Variants in RBM28 observed in about 807,000 individuals in gnomAD.
The protein encoded by RBM28 is RNA binding motif protein 28.
RBM28 carries 78 observed loss-of-function variants against 98.3 expected under a neutral mutation model. The observed-to-expected ratio is 0.79, with a 90% CI of 0.66 to 0.96. The LOEUF (loss-of-function observed/expected upper bound fraction) is 0.96, where lower values mean the gene tolerates loss of function less well. RBM28 is among the 40% of genes least tolerant of loss of function. The pLI, the probability that RBM28 is intolerant of heterozygous loss-of-function variation, is 0.00. For missense variants in RBM28, 838 were observed against 913.0 expected (o/e 0.92, Z 1.06); for synonymous variants, 306 against 330.9 (o/e 0.92, Z 0.82).
At chr7:128,335,106 C>G (rs1256409725) in intron 8 of RBM28, among the ~76,000 whole-genome samples, 1 of 152,210 alleles carries the variant, frequency 6.6e-6, no homozygotes, top group Admixed American at 6.5e-5. Flanking sequence ...TCAGTCCAAA[C>G]TGACTAAACA....
intron 6 of RBM28, among the ~76,000 whole-genome samples, chr7:128,336,753 T>A (rs1465618169): frequency 6.6e-6 from 1 of 152,196 alleles, no homozygotes; most frequent in African/African-American, 2.4e-5. Flanking sequence ...ATAAGCAGGT[T>A]CTCTTACACT....
intron 1 of RBM28, among the ~76,000 whole-genome samples, chr7:128,341,786 T>C (rs2116397799): frequency 6.6e-6 from 1 of 152,370 alleles, no homozygotes; most frequent in African/African-American, 2.4e-5. Context: ...TGGAACCCAG[T>C]ACATACATAT....
intron 17 of RBM28, 93 bp downstream of exon 17, chr7:128,314,671 C>T: frequency 1.9e-6 from 3 of 1,589,926 alleles, no homozygotes; most frequent in Non-Finnish European, 1.7e-6. Flanking sequence ...CCTTTTCAAC[C>T]AAACAAATGC....
At chr7:128,343,120 T>A (rs1443521699) in intron 1 of RBM28, among the ~76,000 whole-genome samples, 2 of 152,168 alleles carry the variant, frequency 1.3e-5, no homozygotes, top group East Asian at 3.8e-4. Context: ...CACTGCTGCA[T>A]CCCCAGGACC....
intron 18 of RBM28, 106 bp downstream of exon 18, chr7:128,313,069 A>C: frequency 8.6e-7 from 1 of 1,158,472 alleles, no homozygotes; most frequent in Non-Finnish European, 1.3e-6. Context: ...CGTCCTACAC[A>C]GAAGTCTTTC....
Position 128,308,988 on chromosome 7 carries a change from A to AAAAAG in RBM28, c.*1804_*1808dup, listed in dbSNP as rs1424625067. On this transcript the variant is annotated 3_prime_UTR_variant, in exon 19 of 19. Transcript: ENST00000223073. ...CAAGACTGTCTCAAAAAAAAAAAAAAAAAAGAAATAACCATATCTCTAGCT... is the reference window on the plus strand; with the variant it reads ...CAAGACTGTCTCAAAAAAAAAAAAAAAAAAGAAAAGAAATAACCATATCTCTAGCT... The AAAAAG allele has an allele frequency of 1.3e-5, 2 of 152,080 alleles. No homozygotes were observed. The highest frequency in any genetic ancestry group is 2.9e-5 in the Non-Finnish European group (2 of 68,372). 9.4% of individuals were successfully genotyped at this position (152,080 alleles called of 1,614,324 possible). A position where few individuals can be genotyped will look rare whatever the true frequency, so the allele number is the denominator to read the frequency against.
Position 128,299,887 on chromosome 7 carries a change from C to T in RBM28, c.*10910G>A, listed in dbSNP as rs1795757857. On this transcript the variant is annotated 3_prime_UTR_variant, in exon 19 of 19. Transcript: ENST00000223073. ...GGAAATTTGGACATAGACCTATAGA[C>T]ACAGGGAGAAGATGGCCATGTGACA... 1 of 151,220 alleles carries T rather than the reference C, an allele frequency of 6.6e-6. No homozygotes were observed. The highest frequency in any genetic ancestry group is 6.6e-5 in the Admixed American group (1 of 15,156). 9.4% of individuals were successfully genotyped at this position (151,220 alleles called of 1,614,324 possible).
chr7:128,321,290 T>A lies in RBM28; in HGVS notation c.1539A>T (p.Gly513=). Residue 513 remains glycine, a synonymous_variant, in exon 14 of 19, where the codon GGA becomes GGT. Coordinates refer to ENST00000223073, the MANE Select transcript of RBM28 (RefSeq NM_018077.3). The part of the protein sequence containing the change: ...LRKLLLSATS[G]EKGVRIKECR... Reference sequence around the variant, plus strand: ...CCTCCTTGATGCGCACCCCTTTCTCTCCACTAGTAGCACTCAGCAGCAGCT... The same window carrying A: ...CCTCCTTGATGCGCACCCCTTTCTCACCACTAGTAGCACTCAGCAGCAGCT... 1 of 1,614,190 alleles carries A rather than the reference T, an allele frequency of 6.2e-7. No homozygotes were observed. The highest frequency in any genetic ancestry group is 1.1e-5 in the South Asian group (1 of 91,086).
At position 128,314,964 on chromosome 7, in the gene RBM28, A is replaced by C. The variant is rs1439563789; in HGVS notation, c.1845T>G (p.Pro615=). 1 of 1,614,182 alleles carries C rather than the reference A, an allele frequency of 6.2e-7. No individual in the cohort carries two copies. The highest frequency in any genetic ancestry group is 1.7e-5 in the Admixed American group (1 of 60,018). The change falls in exon 17 of 19, where the codon CCT becomes CCG. Residue 615 remains proline (P), a synonymous_variant. Coordinates refer to ENST00000223073, the MANE Select transcript of RBM28 (RefSeq NM_018077.3). ...CTGCCTTCTGTTGCTGGTCTTTTGC[A>C]GGCTCTGGTTGCCCCTTCTGAGGCT... ...TGEPQKGQPE[P]AKDQQQKAAQ... is the part of the protein sequence containing the mutation.
Position 128,330,834 on chromosome 7 carries a change from T to G in RBM28, c.1114A>C (p.Thr372Pro). The G allele has an allele frequency of 1.2e-6, 2 of 1,613,694 alleles. No individual in the cohort carries two copies. The highest frequency in any genetic ancestry group is 1.7e-6 in the Non-Finnish European group (2 of 1,179,578). The change falls in exon 10 of 19, where the codon ACA (threonine) becomes CCA (proline). Residue 372 changes from threonine to proline, a missense_variant. Coordinates refer to ENST00000223073, the MANE Select transcript of RBM28 (RefSeq NM_018077.3). Reference sequence around the variant, plus strand: ...CAACACATACCTTTAGAATGCTCTGTGTCTGGATGCAAGACAATGCGGACA... The same window carrying G: ...CAACACATACCTTTAGAATGCTCTGGGTCTGGATGCAAGACAATGCGGACA... ...KYVRIVLHPD[T>P]EHSKGCAFAQ...
chr7:128,310,336 A>ATC lies in RBM28; in HGVS notation c.*460_*461insGA. 4 of 244,750 alleles carry ATC rather than the reference A, an allele frequency of 1.6e-5. No homozygotes were observed. The highest frequency in any genetic ancestry group is 1.1e-4 in the South Asian group (2 of 18,810). 15.2% of individuals were successfully genotyped at this position (244,750 alleles called of 1,614,324 possible). On this transcript the variant is annotated 3_prime_UTR_variant, in exon 19 of 19. Transcript: ENST00000223073. ...TGCAGTGTGTAAGACTACAGAGCTGAATTAGGAATGTCAAAGAATGTTCAT... is the reference window on the plus strand; with the variant it reads ...TGCAGTGTGTAAGACTACAGAGCTGATCATTAGGAATGTCAAAGAATGTTCAT...
In RBM28 at chr7:128,321,061, G is replaced by T. The variant is rs1796221022; in HGVS notation, c.1563+205C>A. 2.0e-5 allele frequency among the ~76,000 whole-genome samples: 3 copies of T among 152,244 alleles called. No homozygotes were observed. The South Asian group carries it at 6.2e-4, about 31-fold the overall frequency. On this transcript the variant is annotated intron_variant, in intron 14 of 18. Transcript: ENST00000223073. The stretch of plus-strand genomic sequence containing the variant: ...CACGCCTATAGTCCCAGCTATTCAG[G>T]GGGCTGAGGCAGGAGAACTGCTTGA...
chr7:128,321,573 G>A (rs548792287), intron 13 of RBM28, 149 bp from the exon 14 acceptor site: 1 of 953,142 alleles, frequency 1.0e-6, no homozygotes. Flanking sequence ...GCTTTACAAT[G>A]CCTAGTATAG....
chr7:128,318,554 A>G (rs1360162869), intron 14 of RBM28, among the ~76,000 whole-genome samples: 1 of 152,082 alleles, frequency 6.6e-6, no homozygotes, highest in Non-Finnish European at 1.5e-5. Context: ...CTGGAATAAC[A>G]CTTATGTGTG....
intron 11 of RBM28, among the ~76,000 whole-genome samples, chr7:128,324,996 C>A (rs953896836): frequency 6.6e-6 from 1 of 151,688 alleles, no homozygotes; most frequent in Non-Finnish European, 1.5e-5. Context: ...GGAGACAGAG[C>A]GAGACTCCAC....
At chr7:128,333,632 C>A (rs1796534288) in intron 8 of RBM28, among the ~76,000 whole-genome samples, 1 of 152,258 alleles carries the variant, frequency 6.6e-6, no homozygotes, top group Admixed American at 6.5e-5. Context: ...GCAGGAGAAT[C>A]CCTTGAACCT....
rs184448098 is a variant in RBM28, at chr7:128,320,454, A to G, written c.1563+812T>C. On this transcript the variant is annotated intron_variant, in intron 14 of 18. Transcript: ENST00000223073. ...AAAAGAAAAAAAAGAAAAGAGAAAT[A>G]CGCAAAGGGGAATGTGGAGGCAGAA... Among the ~76,000 whole-genome samples, 18 of 151,930 alleles carry G rather than the reference A, an allele frequency of 1.2e-4. No homozygotes were observed. In the East Asian group the frequency reaches 2.7e-3, roughly 23 times the overall value.
intron 14 of RBM28, among the ~76,000 whole-genome samples, chr7:128,319,842 G>A (rs987440967): frequency 6.6e-6 from 1 of 152,212 alleles, no homozygotes. Context: ...GGAGGCCGAA[G>A]CAGGGGAATC....
At chr7:128,314,006 A>G (rs1796048618) in intron 17 of RBM28, among the ~76,000 whole-genome samples, 1 of 151,216 alleles carries the variant, frequency 6.6e-6, no homozygotes, top group Admixed American at 6.6e-5. Flanking sequence ...TCTTTCGCCC[A>G]GGCCAGAGTG....
Sources: gnomAD v4.1 joint callset for allele counts (sites outside exome capture counted in the v4.1 genomes callset) on GRCh38, gnomAD v4.1.1 for gene constraint, MANE v1.5 for transcripts, NCBI Gene and HGNC (gene_info 2026-07-23, HGNC 2026-07-21) for gene names.